The following STIM1 variants were observed in gnomAD, a reference collection of about 807,000 sequenced individuals.
STIM1 encodes the protein stromal interaction molecule 1.
Under a neutral mutation model 74.7 loss-of-function variants are expected in STIM1, and 25 were observed. The observed-to-expected ratio is 0.33, with a 90% CI of 0.24 to 0.47. The LOEUF (loss-of-function observed/expected upper bound fraction) is 0.47, where lower values mean the gene tolerates loss of function less well. Among genes scored for constraint, STIM1 ranks in the 20% least tolerant of loss-of-function variants. STIM1 has a pLI of 1.00. For missense variants in STIM1, 728 were observed against 920.8 expected (o/e 0.79, Z 2.71); for synonymous variants, 328 against 348.8 (o/e 0.94, Z 0.66).
chr11:4,038,723 T>C (rs1301020330), intron 3 of STIM1, among the ~76,000 whole-genome samples: 1 of 152,236 alleles, frequency 6.6e-6, no homozygotes, highest in East Asian at 1.9e-4. Flanking sequence ...CTGAATCTTC[T>C]TTTGCTTGGG....
intron 1 of STIM1, among the ~76,000 whole-genome samples, chr11:3,895,689 T>TCCCTCC (rs2092086409): frequency 3.5e-5 from 1 of 28,580 alleles, no homozygotes. Context: ...CTTCCTTCTT[T>TCCCTCC]CTTTCTTTCT....
intron 12 of STIM1, chr11:4,088,553 G>C: frequency 2.9e-6 from 2 of 683,438 alleles, no homozygotes; most frequent in Non-Finnish European, 5.2e-6. Context: ...TACAGATGGA[G>C]AGGATCAAAT....
chr11:3,858,275 G>A (rs889876283), intron 1 of STIM1, among the ~76,000 whole-genome samples: 3 of 150,888 alleles, frequency 2.0e-5, no homozygotes, highest in African/African-American at 7.3e-5. Flanking sequence ...GAAGTAAAAG[G>A]CATTCTAGCC....
intron 3 of STIM1, among the ~76,000 whole-genome samples, chr11:4,028,676 C>T (rs375701480): frequency 9.6e-4 from 146 of 152,054 alleles, no homozygotes; most frequent in African/African-American, 3.4e-3. Flanking sequence ...TTCCAAAGTT[C>T]TAGGATTACA....
intron 2 of STIM1, among the ~76,000 whole-genome samples, chr11:4,014,803 A>G (rs891179427): frequency 2.0e-5 from 3 of 152,164 alleles, no homozygotes; most frequent in Admixed American, 6.5e-5. Context: ...ACCATCATGT[A>G]ATGGCCTTCT....
chr11:3,891,450 A>T (rs1337165331), intron 1 of STIM1, among the ~76,000 whole-genome samples: 1 of 151,872 alleles, frequency 6.6e-6, no homozygotes, highest in Non-Finnish European at 1.5e-5. Flanking sequence ...ATGCCACCAT[A>T]TCCGGCTAAT....
intron 1 of STIM1, among the ~76,000 whole-genome samples, chr11:3,895,733 TCTTTTTCTTTCTTC>T (rs1565105312): frequency 0.014 from 581 of 40,352 alleles, 19 homozygotes; most frequent in South Asian, 0.029. Context: ...TTTCTTTCTT[TCTTTTTCTTTCTTC>T]CTTCCTTCCT....
At chr11:3,900,280 C>T (rs58338002) in intron 1 of STIM1, among the ~76,000 whole-genome samples, 2,849 of 152,230 alleles carry the variant, frequency 0.019, 87 homozygotes, top group African/African-American at 0.065. Flanking sequence ...TTTTTAAGCC[C>T]GTGGGAAAAG....
chr11:3,879,383 A>G (rs1384440150), intron 1 of STIM1, among the ~76,000 whole-genome samples: 2 of 152,188 alleles, frequency 1.3e-5, no homozygotes, highest in African/African-American at 2.4e-5. Flanking sequence ...TCTAGATTAT[A>G]ATCTTCTTAG....
At chr11:4,039,585 C>CAAA (rs549132163) in intron 3 of STIM1, among the ~76,000 whole-genome samples, 4 of 54,458 alleles carry the variant, frequency 7.3e-5, no homozygotes, top group East Asian at 6.4e-4. Context: ...GACTCCATCT[C>CAAA]AAAAAAAAAA....
At chr11:3,886,687 C>CAAA (rs199847545) in intron 1 of STIM1, among the ~76,000 whole-genome samples, 5 of 87,916 alleles carry the variant, frequency 5.7e-5, no homozygotes, top group African/African-American at 1.7e-4. Context: ...GACTCTGTGT[C>CAAA]AAAAAAAAAA....
chr11:4,069,606 T>A (rs898157275), intron 5 of STIM1, among the ~76,000 whole-genome samples: 1 of 152,156 alleles, frequency 6.6e-6, no homozygotes, highest in Non-Finnish European at 1.5e-5. Context: ...TTGCTTTATA[T>A]CCTTTATACC....
intron 3 of STIM1, among the ~76,000 whole-genome samples, chr11:4,053,763 C>A (rs767191631): frequency 5.3e-5 from 8 of 151,582 alleles, no homozygotes; most frequent in African/African-American, 1.7e-4. Context: ...AAAAACCAGG[C>A]GACCAAATAG....
rs1051747614 is a variant in STIM1, at chr11:3,892,707, T to C, written c.139+36298T>C. The C allele has an allele frequency of 6.8e-6, 11 of 1,613,058 alleles. 1 individual carries two copies. The South Asian group carries it at 1.2e-4, about 18-fold the overall frequency. On this transcript the variant is annotated intron_variant, in intron 1 of 12. Transcript: ENST00000526596. ...TGTGTGAAGTCACCACCCTGACACA[T>C]AAACCCTGGAATAATTCTGTGAAAG...
rs1203979194 is a variant in STIM1 at position 3,964,942 on chromosome 11, CT to C, written c.140-2606del. On this transcript the variant is annotated intron_variant, in intron 1 of 12. Coordinates refer to ENST00000526596, the MANE Select transcript of STIM1 (RefSeq NM_001382567.1). ...GTTTCACCATGTTGCCCAGGCTAGT[CT>C]TTTAACTCTGGGGCTCAAGGGAACT... Among the ~76,000 whole-genome samples, 10 of 152,266 alleles carry C rather than the reference CT, an allele frequency of 6.6e-5. No individual in the cohort carries two copies. In the East Asian group the frequency reaches 1.9e-3, roughly 29 times the overall value.
intron 1 of STIM1, among the ~76,000 whole-genome samples, chr11:3,929,609 G>A (rs2092833142): frequency 6.6e-6 from 1 of 152,166 alleles, no homozygotes; most frequent in Non-Finnish European, 1.5e-5. Flanking sequence ...TCAAGATATT[G>A]GGGTCATCTG....
rs1029403460 is a variant in STIM1, at chr11:4,082,048, G to A, written c.970-136G>A. On this transcript the variant is annotated intron_variant, in intron 7 of 12. Coordinates refer to ENST00000526596, the MANE Select transcript of STIM1 (RefSeq NM_001382567.1). ...GCTTGCTTTCTTCTATATAAAATAC[G>A]GAAAATAATCCTTACCTTTTCTCCT... The A allele has an allele frequency of 1.7e-5, 17 of 997,044 alleles. 1 individual carries two copies. Among genetic ancestry groups the A allele is most frequent in the South Asian group, 1.6e-4 (11 of 69,988 alleles). 61.8% of individuals were successfully genotyped at this position (997,044 alleles called of 1,614,324 possible).
intron 1 of STIM1, among the ~76,000 whole-genome samples, chr11:3,914,868 G>A (rs529016092): frequency 1.3e-5 from 2 of 152,254 alleles, no homozygotes; most frequent in South Asian, 4.1e-4. Context: ...ATTCCCATCA[G>A]CAGTGTATAA....
intron 2 of STIM1, among the ~76,000 whole-genome samples, chr11:3,991,668 G>T (rs1405217330): frequency 6.6e-6 from 1 of 151,548 alleles, no homozygotes; most frequent in Non-Finnish European, 1.5e-5. Flanking sequence ...AACTGCTGTG[G>T]CCGGGCGCGG....
Sources: gnomAD v4.1 joint callset for allele counts (sites outside exome capture counted in the v4.1 genomes callset) on GRCh38, gnomAD v4.1.1 for gene constraint, MANE v1.5 for transcripts, NCBI Gene and HGNC (gene_info 2026-07-23, HGNC 2026-07-21) for gene names.